GPC5: variants seen among roughly 807,000 people sequenced by gnomAD.
GPC5 encodes glypican-5.
GPC5 carries 47 observed loss-of-function variants against 53.9 expected under a neutral mutation model. That is an observed-to-expected ratio of 0.87 (90% CI 0.69 to 1.11). The LOEUF is 1.11. Among genes scored for constraint, GPC5 ranks in the 50% most tolerant of loss-of-function variants. GPC5 has a pLI of 0.00. For missense variants in GPC5, 748 were observed against 713.1 expected (o/e 1.05, Z -0.56); for synonymous variants, 286 against 263.3 (o/e 1.09, Z -0.84).
At chr13:91,636,147 A>C (rs535685637) in intron 2 of GPC5, among the ~76,000 whole-genome samples, 1 of 152,152 alleles carries the variant, frequency 6.6e-6, no homozygotes, top group East Asian at 1.9e-4. Context: ...AATCTTTCCA[A>C]TATTTATGCT....
At chr13:92,751,901 T>A (rs1445657638) in intron 7 of GPC5, among the ~76,000 whole-genome samples, 1 of 152,194 alleles carries the variant, frequency 6.6e-6, no homozygotes, top group Non-Finnish European at 1.5e-5. Context: ...TCAAGATGGT[T>A]ACATTGTTTC....
At chr13:92,770,264 A>G (rs1875560955) in intron 7 of GPC5, among the ~76,000 whole-genome samples, 1 of 152,004 alleles carries the variant, frequency 6.6e-6, no homozygotes, top group African/African-American at 2.4e-5. Context: ...ATATCAAAAA[A>G]TTAGTTGGGG....
At chr13:91,847,098 A>C (rs2038858461) in intron 5 of GPC5, among the ~76,000 whole-genome samples, 1 of 151,678 alleles carries the variant, frequency 6.6e-6, no homozygotes. Context: ...GGGCACCTGT[A>C]GTCCCAGCTA....
chr13:92,698,955 A>T (rs1461773531), intron 7 of GPC5, among the ~76,000 whole-genome samples: 1 of 152,056 alleles, frequency 6.6e-6, no homozygotes, highest in Admixed American at 6.6e-5. Flanking sequence ...GTCTCATCAA[A>T]TGAGTTAGGG....
rs372231849 is a variant in GPC5, at chr13:92,192,096, AATAG to A, written c.1561+47113_1561+47116del. On this transcript the variant is annotated intron_variant, in intron 7 of 7. Coordinates refer to ENST00000377067, the MANE Select transcript of GPC5 (RefSeq NM_004466.6). Reference sequence around the variant, plus strand: ...TAAGGGTTAGGAGGTGAAGGGGGTGAATAGATAGAGGACAAATAATTTTTAAGGT... The same window carrying A: ...TAAGGGTTAGGAGGTGAAGGGGGTGAATAGAGGACAAATAATTTTTAAGGT... Among the ~76,000 whole-genome samples, 359 of 152,274 alleles carry A rather than the reference AATAG, an allele frequency of 2.4e-3. 1 individual carries two copies. The highest frequency in any genetic ancestry group is 8.3e-3 in the African/African-American group (347 of 41,578).
intron 6 of GPC5, among the ~76,000 whole-genome samples, chr13:92,086,104 T>A (rs2041334000): frequency 6.6e-6 from 1 of 151,856 alleles, no homozygotes; most frequent in Non-Finnish European, 1.5e-5. Flanking sequence ...ATTAAAGGAG[T>A]CACCTAAGTT....
At chr13:92,349,873 T>C (rs1430218633) in intron 7 of GPC5, among the ~76,000 whole-genome samples, 1 of 152,176 alleles carries the variant, frequency 6.6e-6, no homozygotes, top group African/African-American at 2.4e-5. Flanking sequence ...ACTCTTTCTT[T>C]AGCTCATTTA....
At chr13:91,518,465 A>C (rs73606486) in intron 2 of GPC5, among the ~76,000 whole-genome samples, 2,548 of 152,338 alleles carry the variant, frequency 0.017, 86 homozygotes, top group African/African-American at 0.058. Flanking sequence ...TTCTAAATAA[A>C]AAACCAAAAA....
intron 2 of GPC5, among the ~76,000 whole-genome samples, chr13:91,543,926 T>G (rs934849817): frequency 1.3e-5 from 2 of 152,196 alleles, no homozygotes; most frequent in Non-Finnish European, 2.9e-5. Flanking sequence ...TTATAAAATA[T>G]AGCTAACATG....
intron 7 of GPC5, among the ~76,000 whole-genome samples, chr13:92,219,713 A>G (rs531644172): frequency 6.6e-6 from 1 of 152,270 alleles, no homozygotes; most frequent in South Asian, 2.1e-4. Context: ...TTCCACAACC[A>G]ATCAGATGTT....
At chr13:91,560,955 T>G (rs531822665) in intron 2 of GPC5, among the ~76,000 whole-genome samples, 8 of 152,064 alleles carry the variant, frequency 5.3e-5, no homozygotes, top group African/African-American at 1.9e-4. Context: ...ATACCAAAAC[T>G]CTTCCTTCAA....
intron 5 of GPC5, among the ~76,000 whole-genome samples, chr13:91,786,473 AT>A (rs1566683775): frequency 1.3e-5 from 2 of 151,684 alleles, no homozygotes; most frequent in Admixed American, 6.6e-5. Context: ...TGATTTTTTT[AT>A]TTTTTAAAAA....
At chr13:91,591,578 C>T (rs1594300979) in intron 2 of GPC5, among the ~76,000 whole-genome samples, 1 of 152,118 alleles carries the variant, frequency 6.6e-6, no homozygotes. Flanking sequence ...ACAAATATGT[C>T]ATAGATTTGG....
intron 7 of GPC5, among the ~76,000 whole-genome samples, chr13:92,640,233 A>T (rs777118224): frequency 6.6e-6 from 1 of 152,010 alleles, no homozygotes; most frequent in Non-Finnish European, 1.5e-5. Context: ...CTTAAGACCC[A>T]TAAGTGAACT....
intron 7 of GPC5, among the ~76,000 whole-genome samples, chr13:92,418,557 A>T (rs1876421708): frequency 6.6e-6 from 1 of 152,186 alleles, no homozygotes; most frequent in Admixed American, 6.5e-5. Context: ...TCAAATTCCT[A>T]ATTGTATAAA....
At chr13:92,001,032 C>T (rs1180267229) in intron 6 of GPC5, among the ~76,000 whole-genome samples, 1 of 152,200 alleles carries the variant, frequency 6.6e-6, no homozygotes, top group African/African-American at 2.4e-5. Flanking sequence ...CTGCCACAAA[C>T]TGTACTTTAA....
chr13:91,633,606 A>C (rs7321583), intron 2 of GPC5, among the ~76,000 whole-genome samples: 2,079 of 152,268 alleles, frequency 0.014, 47 homozygotes, highest in African/African-American at 0.047. Flanking sequence ...GAAAAAATCC[A>C]GTTTAACCTA....
chr13:92,332,437 C>A (rs977198706), intron 7 of GPC5, among the ~76,000 whole-genome samples: 3 of 152,066 alleles, frequency 2.0e-5, no homozygotes, highest in East Asian at 1.9e-4. Context: ...AGGGATCTTA[C>A]CCCATCCTAG....
At chr13:91,787,473 G>A (rs2037897804) in intron 5 of GPC5, among the ~76,000 whole-genome samples, 1 of 151,934 alleles carries the variant, frequency 6.6e-6, no homozygotes, top group South Asian at 2.1e-4. Flanking sequence ...ACATTGATTG[G>A]TTTATGAATA....
Sources: gnomAD v4.1 joint callset for allele counts (sites outside exome capture counted in the v4.1 genomes callset) on GRCh38, gnomAD v4.1.1 for gene constraint, MANE v1.5 for transcripts, NCBI Gene and HGNC (gene_info 2026-07-23, HGNC 2026-07-21) for gene names.